Variants in CD86 observed in about 807,000 individuals in gnomAD.
The protein encoded by CD86 is CD86 molecule.
CD86 carries 11 observed loss-of-function variants against 32.1 expected under a neutral mutation model. The observed-to-expected ratio is 0.34, with a 90% CI of 0.22 to 0.57. The LOEUF (loss-of-function observed/expected upper bound fraction) is 0.57, where lower values mean the gene tolerates loss of function less well. CD86 is among the 20% of genes least tolerant of loss of function. The pLI is 0.86. For missense variants in CD86, 359 were observed against 398.4 expected (o/e 0.90, Z 0.84); for synonymous variants, 137 against 135.3 (o/e 1.01, Z -0.09).
intron 1 of CD86, among the ~76,000 whole-genome samples, chr3:122,056,881 G>C (rs2072246002): frequency 6.6e-6 from 1 of 152,130 alleles, no homozygotes; most frequent in East Asian, 1.9e-4. Flanking sequence ...TGCTAGCACT[G>C]TCTGCAGAGG....
chr3:122,066,764 T>G (rs1247828312), intron 1 of CD86, among the ~76,000 whole-genome samples: 2 of 151,696 alleles, frequency 1.3e-5, no homozygotes, highest in East Asian at 3.9e-4. Context: ...GTACCAGGAG[T>G]GCAAAGGGAA....
rs374754981 is a variant in CD86 at position 122,085,847 on chromosome 3, G to A, written c.15-5754G>A. 1.8e-3 allele frequency among the ~76,000 whole-genome samples: 275 copies of A among 152,300 alleles called. 1 individual carries two copies. Among genetic ancestry groups the A allele is most frequent in the Middle Eastern group, 6.8e-3 (2 of 294 alleles). The stretch of plus-strand genomic sequence containing the variant: ...ACTGGAGCTCTACTCTCCTCTCAGC[G>A]AGCTGGTGACGTGCCAGTCCAGCAG... On this transcript the variant is annotated intron_variant, in intron 1 of 6. Transcript: ENST00000330540.
chr3:122,102,280 C>A (rs1344248003), intron 2 of CD86, among the ~76,000 whole-genome samples: 1 of 152,070 alleles, frequency 6.6e-6, no homozygotes, highest in African/African-American at 2.4e-5. Context: ...TCACATAAAT[C>A]CTGAATGATG....
chr3:122,082,108 C>T (rs934987638), intron 1 of CD86, among the ~76,000 whole-genome samples: 5 of 152,172 alleles, frequency 3.3e-5, no homozygotes, highest in Admixed American at 6.6e-5. Flanking sequence ...TTACTCAATT[C>T]GAGATTCGCT....
At chr3:122,110,166 A>G (rs1183400909) in intron 5 of CD86, among the ~76,000 whole-genome samples, 1 of 152,236 alleles carries the variant, frequency 6.6e-6, no homozygotes, top group Non-Finnish European at 1.5e-5. Context: ...ATTCTACAGC[A>G]TCATTTTTAA....
intron 5 of CD86, among the ~76,000 whole-genome samples, chr3:122,115,530 A>G (rs1218766164): frequency 6.6e-6 from 1 of 152,110 alleles, no homozygotes; most frequent in African/African-American, 2.4e-5. Context: ...AGGGAAATGC[A>G]AAGAATCTAC....
intron 1 of CD86, among the ~76,000 whole-genome samples, chr3:122,063,032 C>T (rs537862539): frequency 5.7e-4 from 87 of 152,216 alleles, no homozygotes; most frequent in Non-Finnish European, 1.2e-3. Flanking sequence ...AGTCAAGCAA[C>T]AAAGCTGCCT....
intron 5 of CD86, among the ~76,000 whole-genome samples, chr3:122,115,430 C>T (rs562986305): frequency 2.0e-5 from 3 of 152,264 alleles, no homozygotes; most frequent in Admixed American, 1.3e-4. Context: ...TAACCATTCT[C>T]TCCAAGTTGA....
intron 2 of CD86, among the ~76,000 whole-genome samples, chr3:122,093,327 T>C (rs2072855446): frequency 6.6e-6 from 1 of 152,202 alleles, no homozygotes; most frequent in Non-Finnish European, 1.5e-5. Context: ...TGACTTATTT[T>C]ATTTATTTGA....
intron 1 of CD86, among the ~76,000 whole-genome samples, chr3:122,082,322 C>T (rs529785740): frequency 6.6e-6 from 1 of 152,194 alleles, no homozygotes; most frequent in Non-Finnish European, 1.5e-5. Context: ...ATGTATCCTC[C>T]CATGGAAGGG....
chr3:122,073,447 AT>A (rs1372198885), intron 1 of CD86, among the ~76,000 whole-genome samples: 3 of 151,870 alleles, frequency 2.0e-5, no homozygotes, highest in East Asian at 1.9e-4. Context: ...TTTTGCAAAT[AT>A]TTTTTCCCCA....
intron 1 of CD86, among the ~76,000 whole-genome samples, chr3:122,089,265 C>T (rs1475367951): frequency 6.6e-6 from 1 of 152,116 alleles, no homozygotes; most frequent in African/African-American, 2.4e-5. Context: ...GACTGTACAA[C>T]AATGTGAATG....
chr3:122,077,502 C>T (rs2072570676), intron 1 of CD86, among the ~76,000 whole-genome samples: 1 of 151,478 alleles, frequency 6.6e-6, no homozygotes, highest in Non-Finnish European at 1.5e-5. Context: ...AGAAGTGAAG[C>T]ACATGGCCTC....
At chr3:122,069,038 CTCATGCTCT>C (rs1345427806) in intron 1 of CD86, among the ~76,000 whole-genome samples, 1 of 152,174 alleles carries the variant, frequency 6.6e-6, no homozygotes, top group Non-Finnish European at 1.5e-5. Flanking sequence ...TAGAATCTAC[CTCATGCTCT>C]TAAGATGGTG....
chr3:122,104,736 G>A (rs1004150017), intron 3 of CD86, among the ~76,000 whole-genome samples: 4 of 152,098 alleles, frequency 2.6e-5, no homozygotes, highest in African/African-American at 7.2e-5. Flanking sequence ...CGTTTAGCGC[G>A]CCTTCGAGAT....
chr3:122,091,973 CT>C (rs2072831447), intron 2 of CD86: 1 of 254,440 alleles, frequency 3.9e-6, no homozygotes, highest in African/African-American at 2.2e-5. Context: ...ACTGAGGCCC[CT>C]GAGACTTGAC....
chr3:122,060,247 G>A (rs2072313819), intron 1 of CD86, among the ~76,000 whole-genome samples: 1 of 152,192 alleles, frequency 6.6e-6, no homozygotes, highest in East Asian at 1.9e-4. Context: ...CGAAGTAGGA[G>A]AATGACTGAA....
intron 5 of CD86, among the ~76,000 whole-genome samples, chr3:122,115,355 T>A (rs1039646866): frequency 6.6e-6 from 1 of 151,994 alleles, no homozygotes; most frequent in Non-Finnish European, 1.5e-5. Context: ...CTGGAGAAAT[T>A]AAAGTAAACC....
intron 1 of CD86, among the ~76,000 whole-genome samples, chr3:122,061,333 T>G (rs970979562): frequency 1.3e-5 from 2 of 152,194 alleles, no homozygotes; most frequent in Admixed American, 6.5e-5. Flanking sequence ...CTGATACTTT[T>G]TTTCAAGTCT....
Sources: allele counts gnomAD v4.1 joint callset (sites outside exome capture counted in the v4.1 genomes callset), GRCh38; gene constraint gnomAD v4.1.1; transcripts MANE v1.5; gene names NCBI Gene and HGNC (gene_info 2026-07-23, HGNC 2026-07-21).